SERINC5: variants seen among roughly 807,000 people sequenced by gnomAD.
SERINC5 encodes serine incorporator 5, also known as chromosome 5 open reading frame 12.
A neutral mutation model predicts 63.1 loss-of-function variants in SERINC5; 41 were observed. The ratio of observed to expected loss-of-function variants is 0.65; its 90% confidence interval spans 0.51 to 0.84. The LOEUF (loss-of-function observed/expected upper bound fraction) is 0.84. Among genes scored for constraint, SERINC5 ranks in the 40% least tolerant of loss-of-function variants. SERINC5 has a pLI of 0.00. For missense variants in SERINC5, 523 were observed against 573.0 expected (o/e 0.91, Z 0.89); for synonymous variants, 222 against 215.2 (o/e 1.03, Z -0.28).
intron 2 of SERINC5, among the ~76,000 whole-genome samples, chr5:80,184,256 T>C (rs1366599687): frequency 1.3e-5 from 2 of 152,184 alleles, no homozygotes; most frequent in Non-Finnish European, 2.9e-5. Flanking sequence ...TTCTCTCTTC[T>C]ACTCCATCAG....
chr5:80,173,414 T>C (rs1043471537), intron 5 of SERINC5, among the ~76,000 whole-genome samples: 3 of 151,848 alleles, frequency 2.0e-5, no homozygotes, highest in Non-Finnish European at 4.4e-5. Flanking sequence ...GCTAACACGG[T>C]GAAACCCCGT....
chr5:80,151,301 G>T (rs945960191), intron 8 of SERINC5, among the ~76,000 whole-genome samples: 7 of 152,070 alleles, frequency 4.6e-5, no homozygotes, highest in Non-Finnish European at 2.9e-5. Context: ...GACTAGTCTT[G>T]CTTAGAGGGA....
intron 1 of SERINC5, among the ~76,000 whole-genome samples, chr5:80,234,813 G>A (rs2112574101): frequency 6.6e-6 from 1 of 152,102 alleles, no homozygotes; most frequent in South Asian, 2.1e-4. Context: ...AACCATAATT[G>A]GGTTCATCAT....
chr5:80,205,309 G>C (rs967484673), intron 1 of SERINC5, among the ~76,000 whole-genome samples: 9 of 152,080 alleles, frequency 5.9e-5, no homozygotes, highest in African/African-American at 2.2e-4. Context: ...TACTTTTCTT[G>C]GTCGTGAGAC....
At chr5:80,231,937 T>A (rs867444612) in intron 1 of SERINC5, among the ~76,000 whole-genome samples, 1 of 150,698 alleles carries the variant, frequency 6.6e-6, no homozygotes, top group Non-Finnish European at 1.5e-5. Flanking sequence ...CCCATCTCTA[T>A]AAAATACCAA....
At chr5:80,193,549 G>T (rs145724716) in intron 2 of SERINC5, among the ~76,000 whole-genome samples, 1 of 152,136 alleles carries the variant, frequency 6.6e-6, no homozygotes, top group Admixed American at 6.5e-5. Flanking sequence ...TGGTGCTCCC[G>T]CAAACGTGCA....
intron 1 of SERINC5, among the ~76,000 whole-genome samples, chr5:80,212,623 T>TA (rs1750483078): frequency 7.6e-6 from 1 of 131,904 alleles, no homozygotes; most frequent in African/African-American, 3.0e-5. Context: ...CCACTGAGCT[T>TA]AGACAGACCT....
At chr5:80,236,048 A>G (rs2112576581) in intron 1 of SERINC5, among the ~76,000 whole-genome samples, 1 of 134,508 alleles carries the variant, frequency 7.4e-6, no homozygotes, top group Non-Finnish European at 1.7e-5. Flanking sequence ...TCACGGTTAA[A>G]TACTGGATCT....
chr5:80,160,654 T>C (rs1580085471), intron 7 of SERINC5, among the ~76,000 whole-genome samples: 1 of 152,180 alleles, frequency 6.6e-6, no homozygotes, highest in Non-Finnish European at 1.5e-5. Context: ...CACCAAATAA[T>C]GTGTATTCTA....
chr5:80,198,619 G>A (rs1363915790), intron 2 of SERINC5: 1 of 985,240 alleles, frequency 1.0e-6, no homozygotes, highest in Non-Finnish European at 1.2e-6. Context: ...CACTTCCACG[G>A]CCAACAAAGA....
chr5:80,121,227 G>C (rs566202332), intron 11 of SERINC5, among the ~76,000 whole-genome samples: 5 of 152,280 alleles, frequency 3.3e-5, no homozygotes, highest in African/African-American at 9.6e-5. Context: ...TCCAAGAAAG[G>C]AGTTTTAACT....
In SERINC5 at chr5:80,225,660, G is replaced by A. The variant is rs150237047; in HGVS notation, c.28-22607C>T. On this transcript the variant is annotated intron_variant, in intron 1 of 11. Transcript: ENST00000507668. ...AGCAACACCCGAAAAGACAAAGACA[G>A]CAGCTTTGCTACTTCCATACTGCCT... 1.1e-3 allele frequency among the ~76,000 whole-genome samples: 160 copies of A among 152,306 alleles called. 1 individual carries two copies. Among genetic ancestry groups the A allele is most frequent in the African/African-American group, 3.7e-3 (155 of 41,574 alleles).
intron 7 of SERINC5, among the ~76,000 whole-genome samples, chr5:80,159,681 T>G (rs1746765684): frequency 6.6e-6 from 1 of 152,060 alleles, no homozygotes; most frequent in African/African-American, 2.4e-5. Context: ...ACTCCAGGAA[T>G]GGGAGGAATG....
rs1272312451 is a variant in SERINC5, at chr5:80,143,825, C to T, written c.1239-15G>A. 1.3e-6 allele frequency: 2 copies of T among 1,535,768 alleles called. No individual in the cohort carries two copies. The highest frequency in any genetic ancestry group is 2.0e-5 in the Admixed American group (1 of 50,994). On this transcript the variant is annotated splice_polypyrimidine_tract_variant and intron_variant, in intron 11 of 11. Coordinates refer to ENST00000507668, the MANE Select transcript of SERINC5 (RefSeq NM_001174072.3). The stretch of plus-strand genomic sequence containing the variant: ...CACTTTCGTAGCTGTGGAAACAAGA[C>T]ACCTAGCCGCGGTCAAAGCAGGAAT...
chr5:80,171,626 T>C (rs897068015), intron 5 of SERINC5, among the ~76,000 whole-genome samples: 6 of 152,114 alleles, frequency 3.9e-5, no homozygotes, highest in Admixed American at 1.3e-4. Flanking sequence ...ACAAAACAGC[T>C]AGAGGAGAGG....
chr5:80,251,201 C>T (rs1029440169), intron 1 of SERINC5, among the ~76,000 whole-genome samples: 6 of 152,016 alleles, frequency 3.9e-5, no homozygotes, highest in African/African-American at 1.5e-4. Flanking sequence ...ATTGCTTGAC[C>T]CCAGGAGTTG....
At chr5:80,203,604 A>G (rs1050914294) in intron 1 of SERINC5, among the ~76,000 whole-genome samples, 1 of 152,156 alleles carries the variant, frequency 6.6e-6, no homozygotes, top group African/African-American at 2.4e-5. Flanking sequence ...TGACCAGGAA[A>G]AAAGAAAACA....
chr5:80,126,644 C>A (rs1239415820), intron 11 of SERINC5, among the ~76,000 whole-genome samples: 1 of 152,212 alleles, frequency 6.6e-6, no homozygotes, highest in Non-Finnish European at 1.5e-5. Flanking sequence ...CTGTTCTGCA[C>A]ATACTACCAT....
At chr5:80,180,241 T>C (rs1264261567) in intron 2 of SERINC5, among the ~76,000 whole-genome samples, 1 of 152,214 alleles carries the variant, frequency 6.6e-6, no homozygotes, top group African/African-American at 2.4e-5. Flanking sequence ...AAATAAGGAT[T>C]TGGTCAGTCA....
Sources: allele counts gnomAD v4.1 joint callset (sites outside exome capture counted in the v4.1 genomes callset), GRCh38; gene constraint gnomAD v4.1.1; transcripts MANE v1.5; gene names NCBI Gene and HGNC (gene_info 2026-07-23, HGNC 2026-07-21).